DST: variants seen among roughly 807,000 people sequenced by gnomAD.
The protein encoded by DST is dystonin.
DST carries 253 observed loss-of-function variants against 875.2 expected under a neutral mutation model. The ratio of observed to expected loss-of-function variants is 0.29; its 90% CI spans 0.26 to 0.32. The LOEUF (loss-of-function observed/expected upper bound fraction) is 0.32, where lower values mean the gene tolerates loss of function less well. Among genes scored for constraint, DST ranks in the 10% least tolerant of loss-of-function variants. DST has a pLI of 1.00. For missense variants in DST, 8,287 were observed against 9,111.6 expected, an observed-to-expected ratio of 0.91 and a Z score of 3.68; for synonymous variants, 3,124 against 3,197.1, an observed-to-expected ratio of 0.98 and a Z score of 0.77.
chr6:56,559,972 TAAAGCATAATAAAGCACCA>T (rs946101793), intron 58 of DST, among the ~76,000 whole-genome samples: 9 of 151,958 alleles, frequency 5.9e-5, no homozygotes, highest in African/African-American at 2.2e-4. Flanking sequence ...TAAAAATATA[TAAAGCATAATAAAGCACCA>T]AAAGCTAGGA....
chr6:56,646,358 T>G (rs562656251), intron 13 of DST, among the ~76,000 whole-genome samples, 176 bp from the exon 14 acceptor site: 1 of 152,314 alleles, frequency 6.6e-6, no homozygotes, highest in South Asian at 2.1e-4. Flanking sequence ...ACGTGGGTTA[T>G]CTAAAATTTG....
chr6:56,554,379 T>C (rs532114010), intron 60 of DST, among the ~76,000 whole-genome samples: 6 of 152,306 alleles, frequency 3.9e-5, no homozygotes, highest in African/African-American at 1.4e-4. Flanking sequence ...CCACCGCTCC[T>C]GGCCACGTCT....
intron 4 of DST, among the ~76,000 whole-genome samples, chr6:56,788,860 C>T (rs1564188004): frequency 1.3e-5 from 2 of 152,160 alleles, no homozygotes; most frequent in Admixed American, 6.5e-5. Flanking sequence ...TGTAAGCATA[C>T]TTATATTAAA....
rs943979710 is a variant in DST, at chr6:56,843,628, A to T, written c.625+7769T>A. On this transcript the variant is annotated intron_variant, in intron 4 of 103. Coordinates refer to ENST00000680361, the MANE Select transcript of DST (RefSeq NM_001374736.1). ...GACCGGCGCGCTGCCTTCACCGGGG[A>T]TGCTGCGCGGCGCATCTGCGGCATT... 1.6e-5 allele frequency: 16 copies of T among 983,458 alleles called. No homozygotes were observed. The African/African-American group carries it at 2.6e-4, about 16-fold the overall frequency. 60.9% of individuals were successfully genotyped at this position (983,458 alleles called of 1,614,324 possible).
At chr6:56,619,923 G>A in intron 36 of DST, 1 of 1,614,108 alleles carries the variant, frequency 6.2e-7, no homozygotes, top group Non-Finnish European at 8.5e-7. Context: ...GCAGCTGTTA[G>A]TTCATCTACC....
chr6:56,748,732 C>G (rs111347999), intron 4 of DST, among the ~76,000 whole-genome samples: 2 of 152,064 alleles, frequency 1.3e-5, no homozygotes, highest in African/African-American at 4.8e-5. Flanking sequence ...AGAACATAAC[C>G]TAGCCCAAGA....
chr6:56,750,901 T>C (rs2099584908), intron 4 of DST, among the ~76,000 whole-genome samples: 1 of 152,114 alleles, frequency 6.6e-6, no homozygotes, highest in South Asian at 2.1e-4. Context: ...CAATGTCTCA[T>C]ATTTATATAG....
At chr6:56,742,695 C>T (rs2099551520) in intron 4 of DST, among the ~76,000 whole-genome samples, 2 of 152,134 alleles carry the variant, frequency 1.3e-5, no homozygotes, top group Admixed American at 1.3e-4. Context: ...ACTAACTCAT[C>T]ACATTCTCTC....
intron 9 of DST, among the ~76,000 whole-genome samples, chr6:56,675,573 G>A (rs1212627904): frequency 2.6e-5 from 4 of 152,158 alleles, no homozygotes; most frequent in African/African-American, 9.7e-5. Flanking sequence ...AAAAAACTTG[G>A]CCGGATGTGG....
chr6:56,844,641 G>GAGGC, intron 4 of DST, among the ~76,000 whole-genome samples: 1 of 152,144 alleles, frequency 6.6e-6, no homozygotes, highest in East Asian at 1.9e-4. Context: ...TTGGGAGGCC[G>GAGGC]AGGCGGGTGG....
At chr6:56,863,137 T>C (rs1183909966) in intron 3 of DST, 2 of 152,220 alleles carry the variant, frequency 1.3e-5, no homozygotes, top group African/African-American at 4.8e-5. Flanking sequence ...CTGCAGCTGA[T>C]CAGCATCATG....
At chr6:56,922,046 C>CAT (rs145700396) in intron 2 of DST, among the ~76,000 whole-genome samples, 11 of 151,642 alleles carry the variant, frequency 7.3e-5, no homozygotes, top group South Asian at 2.1e-4. Flanking sequence ...ATCCTTTCTC[C>CAT]ATATATATAT....
chr6:56,679,986 G>A (rs902610831), intron 9 of DST, among the ~76,000 whole-genome samples: 1 of 151,916 alleles, frequency 6.6e-6, no homozygotes, highest in African/African-American at 2.4e-5. Context: ...ACTTCCTAGC[G>A]ATCTCATTCT....
chr6:56,612,080 G>C (rs1345963502), intron 37 of DST, among the ~76,000 whole-genome samples: 1 of 152,200 alleles, frequency 6.6e-6, no homozygotes, highest in Non-Finnish European at 1.5e-5. Context: ...CCAGAATAAA[G>C]AATTTCTAGC....
At chr6:56,669,674 A>C (rs2099090076) in intron 10 of DST, among the ~76,000 whole-genome samples, 1 of 152,142 alleles carries the variant, frequency 6.6e-6, no homozygotes, top group Non-Finnish European at 1.5e-5. Context: ...TAAGGCAATA[A>C]GAACATGAAC....
intron 3 of DST, among the ~76,000 whole-genome samples, chr6:56,891,326 GC>G (rs1486598178): frequency 6.6e-6 from 1 of 152,100 alleles, no homozygotes; most frequent in African/African-American, 2.4e-5. Context: ...ACTTTGGGAG[GC>G]CGAGGTGTTC....
intron 61 of DST, among the ~76,000 whole-genome samples, chr6:56,539,001 T>C (rs1348885115): frequency 6.6e-6 from 1 of 152,100 alleles, no homozygotes; most frequent in Non-Finnish European, 1.5e-5. Context: ...TATGTTTTAC[T>C]ACTTATCAAA....
intron 3 of DST, among the ~76,000 whole-genome samples, chr6:56,869,937 C>T (rs374487859): frequency 6.6e-6 from 1 of 152,044 alleles, no homozygotes; most frequent in Non-Finnish European, 1.5e-5. Context: ...CCACCTGCCT[C>T]GGCCTCCTAA....
At chr6:56,514,530 C>CTT (rs2096549242) in intron 72 of DST, among the ~76,000 whole-genome samples, 1 of 151,528 alleles carries the variant, frequency 6.6e-6, no homozygotes, top group Non-Finnish European at 1.5e-5. Context: ...TTTTCCCTCC[C>CTT]TTTCTCTCTC....
Sources: allele counts gnomAD v4.1 joint callset (sites outside exome capture counted in the v4.1 genomes callset), GRCh38; gene constraint gnomAD v4.1.1; transcripts MANE v1.5; gene names NCBI Gene and HGNC (gene_info 2026-07-23, HGNC 2026-07-21).